The following ATP8A2 variants were observed in gnomAD, a reference collection of about 807,000 sequenced individuals.
ATP8A2 encodes ATPase phospholipid transporting 8A2, also known as phospholipid-transporting ATPase IB.
Under a neutral mutation model 165.6 loss-of-function variants are expected in ATP8A2, and 100 were observed. That is an observed-to-expected ratio of 0.60 (90% CI 0.51 to 0.71). ATP8A2 has a LOEUF of 0.71. Among genes scored for constraint, ATP8A2 ranks in the 30% least tolerant of loss-of-function variants. The probability of loss-of-function intolerance (pLI) is 0.00; values close to 1 mark genes in which losing one functional copy is unlikely to be tolerated. For synonymous variants in ATP8A2, 543 were observed against 548.8 expected (o/e 0.99, Z 0.15); for missense variants, 1,227 against 1,479.5 (o/e 0.83, Z 2.80).
At position 25,767,605 on chromosome 13, in the gene ATP8A2, G is replaced by A. The variant is rs188229734; in HGVS notation, c.2385-1441G>A. Among the ~76,000 whole-genome samples, 188 of 152,326 alleles carry A rather than the reference G, an allele frequency of 1.2e-3. 1 individual carries two copies. Among genetic ancestry groups the A allele is most frequent in the African/African-American group, 4.3e-3 (179 of 41,578 alleles). On this transcript the variant is annotated intron_variant, in intron 25 of 36. Transcript: ENST00000381655. ...CAAATGACAGAGTTAGTACTCTTAA[G>A]TATGCTCAGTAACAACAAAAAAGTA...
intron 2 of ATP8A2, among the ~76,000 whole-genome samples, chr13:25,513,999 G>GAAGGGAGAGGGA (rs2037380864): frequency 7.4e-6 from 1 of 134,556 alleles, no homozygotes; most frequent in African/African-American, 2.9e-5. Flanking sequence ...AGGGGGAGGG[G>GAAGGGAGAGGGA]GAGGGAGAGG....
At chr13:25,829,722 C>A (rs1277447844) in intron 28 of ATP8A2, among the ~76,000 whole-genome samples, 1 of 65,362 alleles carries the variant, frequency 1.5e-5, no homozygotes, top group African/African-American at 5.8e-5. Context: ...ATATATATAT[C>A]ACCTGCTTAT....
At chr13:25,722,276 A>T (rs1276468160) in intron 25 of ATP8A2, among the ~76,000 whole-genome samples, 2 of 152,108 alleles carry the variant, frequency 1.3e-5, no homozygotes, top group Non-Finnish European at 2.9e-5. Flanking sequence ...TTCTTCCTTG[A>T]TGGCAGTAGC....
At chr13:25,565,469 T>C (rs9581393) in intron 16 of ATP8A2, among the ~76,000 whole-genome samples, 103,725 of 152,134 alleles carry the variant, frequency 0.68, 36,460 homozygotes, top group Middle Eastern at 0.73. Context: ...TCACATTTCC[T>C]TGATCATCAG....
In ATP8A2 at chr13:26,023,121, C is replaced by T. The variant is rs1007370235; in HGVS notation, c.*3136C>T. On this transcript the variant is annotated 3_prime_UTR_variant, in exon 37 of 37. Coordinates refer to ENST00000381655, the MANE Select transcript of ATP8A2 (RefSeq NM_016529.6). The stretch of plus-strand genomic sequence containing the variant: ...GATGAATACTCTGTGCTGATCAGAA[C>T]GGGCTCGGTCATAATTTAGGAGTGG... 2 of 152,216 alleles carry T rather than the reference C, an allele frequency of 1.3e-5. No individual in the cohort carries two copies. Among genetic ancestry groups the T allele is most frequent in the Non-Finnish European group, 2.9e-5 (2 of 68,064 alleles). The allele number at this position is 152,216 out of a possible 1,614,324, so 9.4% of individuals were successfully genotyped here.
chr13:25,372,336 C>T lies in ATP8A2; in HGVS notation c.76+48C>T, dbSNP rs953152934. The T allele has an allele frequency of 6.0e-6, 8 of 1,332,996 alleles. No individual in the cohort carries two copies. The highest frequency in any genetic ancestry group is 7.9e-6 in the Non-Finnish European group (8 of 1,009,772). The allele number at this position is 1,332,996 out of a possible 1,614,324, so 82.6% of individuals were successfully genotyped here. ...AGGGAGGGTGGGCCCGGGGCGGGGG[C>T]GGCGCGGGGCGCGCCTGCGGTTATG... is the stretch of plus-strand genomic sequence containing the variant. On this transcript the variant is annotated intron_variant, in intron 1 of 36. Transcript: ENST00000381655. This position sits in a 1 kb window ranked among gnomAD's most constrained non-coding sequence, Gnocchi z 4.8.
chr13:25,722,655 T>TGTTA (rs1555255066), intron 25 of ATP8A2, among the ~76,000 whole-genome samples: 9,783 of 149,134 alleles, frequency 0.066, 968 homozygotes, highest in African/African-American at 0.22. Context: ...CATTGCTGTA[T>TGTTA]GTTAGTTGTC....
intron 24 of ATP8A2, chr13:25,591,488 C>T (rs112208654): frequency 1.8e-5 from 7 of 392,192 alleles, no homozygotes; most frequent in South Asian, 3.9e-5. Flanking sequence ...GTCAGAATTT[C>T]GCTCCTTTTT....
At chr13:25,748,827 T>C (rs1490840459) in intron 25 of ATP8A2, among the ~76,000 whole-genome samples, 1 of 152,204 alleles carries the variant, frequency 6.6e-6, no homozygotes, top group Non-Finnish European at 1.5e-5. Context: ...GTTATTCTGG[T>C]TTGGGTTATA....
chr13:25,820,155 G>A (rs747634101), intron 27 of ATP8A2, among the ~76,000 whole-genome samples: 3 of 152,218 alleles, frequency 2.0e-5, no homozygotes, highest in Non-Finnish European at 4.4e-5. Context: ...GCAGCGGGAC[G>A]TCCAGACAGG....
At chr13:25,590,219 GTT>G (rs2040032742) in intron 24 of ATP8A2, among the ~76,000 whole-genome samples, 1 of 152,122 alleles carries the variant, frequency 6.6e-6, no homozygotes, top group Non-Finnish European at 1.5e-5. Context: ...TAACCAAGGA[GTT>G]CCAGACCAGC....
intron 1 of ATP8A2, among the ~76,000 whole-genome samples, chr13:25,438,786 T>A (rs1232778412): frequency 6.6e-6 from 1 of 152,248 alleles, no homozygotes; most frequent in African/African-American, 2.4e-5. Context: ...TCTATGTTAC[T>A]TGTTTTATTT....
At chr13:25,871,676 A>G (rs1486872164) in intron 33 of ATP8A2, among the ~76,000 whole-genome samples, 1 of 152,198 alleles carries the variant, frequency 6.6e-6, no homozygotes, top group Non-Finnish European at 1.5e-5. Flanking sequence ...GGATATTTTC[A>G]GTGACTATTG....
At chr13:25,481,375 T>C (rs1489591840) in intron 2 of ATP8A2, among the ~76,000 whole-genome samples, 3 of 152,204 alleles carry the variant, frequency 2.0e-5, no homozygotes, top group African/African-American at 7.2e-5. Context: ...AAGAGTCACA[T>C]GGCAGTTCTA....
At chr13:25,925,222 T>C (rs1593570099) in intron 33 of ATP8A2, among the ~76,000 whole-genome samples, 1 of 152,170 alleles carries the variant, frequency 6.6e-6, no homozygotes, top group East Asian at 1.9e-4. Context: ...CTTACTGTTT[T>C]TATTCAGACT....
At chr13:25,945,126 G>C (rs1366813844) in intron 33 of ATP8A2, among the ~76,000 whole-genome samples, 3 of 152,160 alleles carry the variant, frequency 2.0e-5, no homozygotes, top group African/African-American at 7.2e-5. Flanking sequence ...GTTGGTTTTA[G>C]GCAAAACATA....
At chr13:25,741,973 C>A (rs1173921075) in intron 25 of ATP8A2, among the ~76,000 whole-genome samples, 1 of 152,186 alleles carries the variant, frequency 6.6e-6, no homozygotes, top group Non-Finnish European at 1.5e-5. Context: ...TTCCAGCAAC[C>A]TTCCTTACAG....
intron 24 of ATP8A2, among the ~76,000 whole-genome samples, chr13:25,600,857 A>C (rs1034536344): frequency 6.6e-6 from 1 of 152,210 alleles, no homozygotes; most frequent in Non-Finnish European, 1.5e-5. Context: ...TAAATACCGA[A>C]GCCAGCAGAT....
chr13:25,414,636 T>G (rs1244804259), intron 1 of ATP8A2, among the ~76,000 whole-genome samples: 1 of 152,252 alleles, frequency 6.6e-6, no homozygotes, highest in Non-Finnish European at 1.5e-5. Flanking sequence ...GTACTTTACG[T>G]GTATGTCACT....
Sources: gnomAD v4.1 joint callset for allele counts (sites outside exome capture counted in the v4.1 genomes callset) on GRCh38, gnomAD v4.1.1 for gene constraint, Gnocchi (gnomAD v3.1) non-coding constraint, MANE v1.5 for transcripts, NCBI Gene and HGNC (gene_info 2026-07-23, HGNC 2026-07-21) for gene names.